TINAG: variants seen among roughly 807,000 people sequenced by gnomAD.
TINAG encodes tubulointerstitial nephritis antigen.
TINAG carries 83 observed loss-of-function variants against 72.7 expected under a neutral mutation model. The ratio of observed to expected loss-of-function variants is 1.14; its 90% confidence interval spans 0.96 to 1.37. The LOEUF (loss-of-function observed/expected upper bound fraction) is 1.37. Ranked by LOEUF, TINAG falls within the 40% of genes most tolerant of loss-of-function variation. The probability of loss-of-function intolerance (pLI) is 0.00; values close to 1 mark genes in which losing one functional copy is unlikely to be tolerated. For synonymous variants in TINAG, 234 were observed against 189.9 expected (o/e 1.23, Z -1.91); for missense variants, 685 against 576.6 (o/e 1.19, Z -1.93).
chr6:54,376,216 C>T (rs1052107036), intron 9 of TINAG, among the ~76,000 whole-genome samples: 2 of 152,148 alleles, frequency 1.3e-5, no homozygotes, highest in African/African-American at 4.8e-5. Flanking sequence ...AAAACATGCT[C>T]TTTTTAAAAG....
At chr6:54,328,869 T>G (rs1784671125) in intron 4 of TINAG, among the ~76,000 whole-genome samples, 1 of 151,216 alleles carries the variant, frequency 6.6e-6, no homozygotes, top group Non-Finnish European at 1.5e-5. Flanking sequence ...GAAGAAAGGA[T>G]ATGAGAGATT....
chr6:54,346,712 A>G lies in TINAG; in HGVS notation c.749-655A>G, dbSNP rs189522075. Among the ~76,000 whole-genome samples the G allele has an allele frequency of 2.1e-3, 321 of 152,048 alleles. 2 individuals carry two copies. Among genetic ancestry groups the G allele is most frequent in the African/African-American group, 7.3e-3 (302 of 41,532 alleles). ...TGAATTCCATGTCTACTAAAACAAGATTAAGATAATAATTTTCATTTATAT... is the reference window on the plus strand; with the variant it reads ...TGAATTCCATGTCTACTAAAACAAGGTTAAGATAATAATTTTCATTTATAT... On this transcript the variant is annotated intron_variant, in intron 5 of 10. Coordinates refer to ENST00000259782, the MANE Select transcript of TINAG (RefSeq NM_014464.4).
intron 9 of TINAG, among the ~76,000 whole-genome samples, chr6:54,366,517 T>C (rs568626218): frequency 4.9e-4 from 74 of 151,222 alleles, no homozygotes; most frequent in African/African-American, 1.7e-3. Context: ...ACATGTCAAG[T>C]ACCATGGCAG....
intron 5 of TINAG, 74 bp downstream of exon 5, chr6:54,343,423 A>G (rs1785048020): frequency 3.1e-6 from 4 of 1,269,950 alleles, no homozygotes; most frequent in African/African-American, 3.1e-5. Flanking sequence ...ATAATTGAAC[A>G]ATTTTAACAA....
At chr6:54,340,380 T>G (rs2150952438) in intron 4 of TINAG, among the ~76,000 whole-genome samples, 1 of 150,822 alleles carries the variant, frequency 6.6e-6, no homozygotes, top group South Asian at 2.1e-4. Flanking sequence ...TTCTTGATTC[T>G]TTTGTTTTAT....
chr6:54,365,502 G>A (rs1264032444), intron 9 of TINAG: 1 of 151,506 alleles, frequency 6.6e-6, no homozygotes, highest in Non-Finnish European at 1.5e-5. Context: ...AGGGTCACAT[G>A]TTGTGATCTC....
intron 9 of TINAG, among the ~76,000 whole-genome samples, chr6:54,375,317 A>G (rs1319284032): frequency 2.0e-5 from 3 of 152,190 alleles, no homozygotes; most frequent in African/African-American, 7.2e-5. Context: ...GAAACACAGA[A>G]AAGCCATTAA....
rs1784468231 is a variant in TINAG at position 54,320,592 on chromosome 6, T to C, written c.369T>C (p.Asp123=). ...TTACTTTGACAGGTTGCTTCAAAGA[T>C]GGTCAACATTATGAAGAGGGATCAG... is the stretch of plus-strand genomic sequence containing the variant. ...QPWYPEGCFK[D]GQHYEEGSVI... Residue 123 remains aspartate (D), a synonymous_variant, in exon 2 of 11, where the codon GAT becomes GAC. Transcript: ENST00000259782. 6.2e-7 allele frequency: 1 copy of C among 1,603,646 alleles called. No homozygotes were observed. Among genetic ancestry groups the C allele is most frequent in the Non-Finnish European group, 8.5e-7 (1 of 1,174,600 alleles).
chr6:54,377,958 C>A (rs367690964), intron 9 of TINAG, among the ~76,000 whole-genome samples: 1 of 151,818 alleles, frequency 6.6e-6, no homozygotes, highest in Non-Finnish European at 1.5e-5. Flanking sequence ...GGAAAGAACC[C>A]GCAGATCTAT....
intron 4 of TINAG, among the ~76,000 whole-genome samples, chr6:54,327,416 T>C (rs1216112427): frequency 6.6e-6 from 1 of 152,184 alleles, no homozygotes; most frequent in African/African-American, 2.4e-5. Context: ...TGGTGCATTC[T>C]GGCCCAGTTA....
At chr6:54,356,953 C>T (rs1379529770) in intron 9 of TINAG, among the ~76,000 whole-genome samples, 1 of 150,946 alleles carries the variant, frequency 6.6e-6, no homozygotes, top group Non-Finnish European at 1.5e-5. Flanking sequence ...TTGGACTCTG[C>T]TTCCTCCACA....
At chr6:54,319,253 T>A (rs947631157) in intron 1 of TINAG, among the ~76,000 whole-genome samples, 2 of 152,178 alleles carry the variant, frequency 1.3e-5, no homozygotes, top group African/African-American at 4.8e-5. Context: ...ACTTGGATTG[T>A]TGCATGGATT....
At chr6:54,366,501 C>T (rs1763423548) in intron 9 of TINAG, among the ~76,000 whole-genome samples, 1 of 149,716 alleles carries the variant, frequency 6.7e-6, no homozygotes, top group African/African-American at 2.4e-5. Flanking sequence ...TTTAAAAACA[C>T]ATAATACATG....
intron 4 of TINAG, 24 bp from the exon 5 acceptor site, chr6:54,343,202 T>C (rs769878500): frequency 6.0e-6 from 9 of 1,509,192 alleles, no homozygotes; most frequent in Non-Finnish European, 8.0e-6. Context: ...AAATCTCATA[T>C]ATGTACCTCT....
intron 4 of TINAG, 21 bp downstream of exon 4, chr6:54,326,937 AC>A: frequency 6.2e-7 from 1 of 1,613,126 alleles, no homozygotes; most frequent in African/African-American, 1.3e-5. Flanking sequence ...CTTCTGATTC[AC>A]GTATGTGCAT....
At chr6:54,315,762 T>C (rs1446735805) in intron 1 of TINAG, among the ~76,000 whole-genome samples, 4 of 152,090 alleles carry the variant, frequency 2.6e-5, no homozygotes, top group African/African-American at 7.2e-5. Context: ...GTGGATTTTC[T>C]AGACATAACC....
intron 4 of TINAG, among the ~76,000 whole-genome samples, chr6:54,337,880 A>G (rs1784904685): frequency 6.6e-6 from 1 of 152,126 alleles, no homozygotes; most frequent in South Asian, 2.1e-4. Context: ...GTGTTTGTAT[A>G]TGTTTCCTTC....
intron 4 of TINAG, among the ~76,000 whole-genome samples, chr6:54,342,779 T>C (rs936525837): frequency 6.6e-6 from 1 of 152,178 alleles, no homozygotes; most frequent in Non-Finnish European, 1.5e-5. Context: ...TCTATACACA[T>C]ATAATACATA....
rs368435404 is a variant in TINAG, at chr6:54,351,336, A to G, written c.1081-16A>G. On this transcript the variant is annotated splice_polypyrimidine_tract_variant and intron_variant, in intron 7 of 10. Coordinates refer to ENST00000259782, the MANE Select transcript of TINAG (RefSeq NM_014464.4). ...CTGATAACAATGATATTGCTTATTC[A>G]TATTTTTCCATCCAGGAAACTGAGA... 42 of 1,605,076 alleles carry G rather than the reference A, an allele frequency of 2.6e-5. No homozygotes were observed. Among genetic ancestry groups the G allele is most frequent in the Non-Finnish European group, 3.5e-5 (41 of 1,173,654 alleles).
Sources: gnomAD v4.1 joint callset for allele counts (sites outside exome capture counted in the v4.1 genomes callset) on GRCh38, gnomAD v4.1.1 for gene constraint, MANE v1.5 for transcripts, NCBI Gene and HGNC (gene_info 2026-07-23, HGNC 2026-07-21) for gene names.